The following NCOR2 variants were observed in gnomAD, a reference collection of about 807,000 sequenced individuals.
NCOR2 encodes the protein CTG repeat protein 26.
NCOR2 carries 81 observed loss-of-function variants against 262.9 expected under a neutral mutation model. The observed-to-expected ratio is 0.31, with a 90% CI of 0.26 to 0.37. NCOR2 has a LOEUF of 0.37. NCOR2 is among the 10% of genes least tolerant of loss of function. The pLI is 1.00. For missense variants in NCOR2, 3,385 were observed against 3,621.4 expected, an observed-to-expected ratio of 0.93 and a Z score of 1.68; for synonymous variants, 1,659 against 1,559.3, an observed-to-expected ratio of 1.06 and a Z score of -1.51.
Position 124,457,312 on chromosome 12 carries a change from C to T in NCOR2, c.706-150G>A, listed in dbSNP as rs1388536563. The T allele has an allele frequency of 1.2e-5, 9 of 764,598 alleles. No homozygotes were observed. Among genetic ancestry groups the T allele is most frequent in the Non-Finnish European group, 1.8e-5 (9 of 499,696 alleles). 47.4% of individuals were successfully genotyped at this position (764,598 alleles called of 1,614,324 possible). A position where few individuals can be genotyped will look rare whatever the true frequency, so the allele number is the denominator to read the frequency against. The stretch of plus-strand genomic sequence containing the variant: ...GGGGAGGGAGGCCCGGGGCCCCCTG[C>T]AGGCCCTCCCCACGCTGGAAAAAAA... On this transcript the variant is annotated intron_variant, in intron 5 of 46. Transcript: ENST00000405201. The surrounding 1 kb of genome is among the most constrained non-coding windows in gnomAD (Gnocchi z 4.0).
At chr12:124,559,393 T>G (rs1454934570) in intron 1 of NCOR2, among the ~76,000 whole-genome samples, 1 of 152,094 alleles carries the variant, frequency 6.6e-6, no homozygotes, top group Non-Finnish European at 1.5e-5. Flanking sequence ...GAGGGCCCCA[T>G]CCGGTTCTCA....
intron 8 of NCOR2, among the ~76,000 whole-genome samples, chr12:124,431,805 GCAGA>G (rs138619039): frequency 0.14 from 20,802 of 149,632 alleles, 1,396 homozygotes; most frequent in East Asian, 0.26. Context: ...AGATACACAG[GCAGA>G]CAGACAGACA....
chr12:124,470,167 GAA>G (rs56145231), intron 4 of NCOR2, among the ~76,000 whole-genome samples: 6 of 104,826 alleles, frequency 5.7e-5, no homozygotes, highest in South Asian at 3.2e-4. Context: ...ATCCATCTCA[GAA>G]AAAAAAAAAA....
chr12:124,486,615 T>C, intron 1 of NCOR2, 47 bp from the exon 4 acceptor site: 1 of 1,530,988 alleles, frequency 6.5e-7, no homozygotes, highest in Non-Finnish European at 8.8e-7. Flanking sequence ...GGCACGGGCA[T>C]GGCGGGGCAC....
rs990374132 is a variant in NCOR2 at position 124,340,656 on chromosome 12, G to T, written c.5284C>A (p.Pro1762Thr). Residue 1762 changes from proline (P) to threonine (T), a missense_variant, in exon 35 of 47, where the codon CCC (proline) becomes ACC (threonine). By Grantham distance (38) the Pro-to-Thr change is conservative. This residue lies in a region of NCOR2 where 1,615 missense variants were observed against 1,626.9 expected (regional missense o/e 0.99). Transcript: ENST00000405201. ...CTGCTGAAGGGCTGGGGCGCGGTGGGGAGGTAGGCAAGGCGGTCCATGGCG... is the reference window on the plus strand; with the variant it reads ...CTGCTGAAGGGCTGGGGCGCGGTGGTGAGGTAGGCAAGGCGGTCCATGGCG... 2.0e-6 allele frequency: 3 copies of T among 1,503,340 alleles called. No individual in the cohort carries two copies. 93.1% of individuals were successfully genotyped at this position (1,503,340 alleles called of 1,614,324 possible). A position where few individuals can be genotyped will look rare whatever the true frequency, so the allele number is the denominator to read the frequency against.
chr12:124,478,575 G>A (rs891746367), intron 3 of NCOR2, among the ~76,000 whole-genome samples: 2 of 152,040 alleles, frequency 1.3e-5, no homozygotes, highest in African/African-American at 2.4e-5. Context: ...CTCTCAACTC[G>A]CTCTCCCAGG....
chr12:124,487,499 C>CT (rs1198490122), intron 1 of NCOR2, among the ~76,000 whole-genome samples: 1 of 152,272 alleles, frequency 6.6e-6, no homozygotes, highest in African/African-American at 2.4e-5. Flanking sequence ...GGGCCTCGGC[C>CT]TTGGCCTTGG....
chr12:124,357,129 T>A (rs1244079), intron 22 of NCOR2, among the ~76,000 whole-genome samples: 3 of 152,226 alleles, frequency 2.0e-5, no homozygotes, highest in Non-Finnish European at 4.4e-5. Context: ...AGGTGGCAAA[T>A]GGTATCTCAG....
exon 47 of NCOR2, chr12:124,325,384 C>CT (rs1555297262): frequency 1.0e-5 from 5 of 486,602 alleles, no homozygotes; most frequent in South Asian, 6.4e-5. Context: ...ACCGCCCCCC[C>CT]CCCCGCCCTG....
upstream of NCOR2, among the ~76,000 whole-genome samples, chr12:124,536,368 G>A (rs1036448745): frequency 6.6e-6 from 1 of 152,204 alleles, no homozygotes; most frequent in African/African-American, 2.4e-5. Flanking sequence ...GCGAGCCACT[G>A]TGCCCAGCCT....
In NCOR2 at chr12:124,503,168, T is replaced by G. The variant is rs142794836; in HGVS notation, c.-117-7800A>C. Reference sequence around the variant, plus strand: ...CGGTTGCTGACCCATTCTCATCAATTAGAGAATTATTTCAGCATCTGTTAT... The same window carrying G: ...CGGTTGCTGACCCATTCTCATCAATGAGAGAATTATTTCAGCATCTGTTAT... On this transcript the variant is annotated intron_variant, in intron 1 of 46. Coordinates refer to the NCOR2 transcript ENST00000404621. The surrounding 1 kb of genome is among the most constrained non-coding windows in gnomAD (Gnocchi z 4.3). 2.5e-3 allele frequency among the ~76,000 whole-genome samples: 385 copies of G among 152,258 alleles called. 1 individual carries two copies. Among genetic ancestry groups the G allele is most frequent in the African/African-American group, 8.8e-3 (366 of 41,552 alleles).
In NCOR2 at chr12:124,509,249, G is replaced by GGGGC. The variant is rs77999680; in HGVS notation, c.-117-13882_-117-13881insGCCC. 2.7e-3 allele frequency among the ~76,000 whole-genome samples: 396 copies of GGGGC among 145,896 alleles called. 16 individuals carry two copies. Among genetic ancestry groups the GGGGC allele is most frequent in the African/African-American group, 9.8e-3 (366 of 37,272 alleles). On this transcript the variant is annotated intron_variant, in intron 1 of 46. Transcript: ENST00000404621. The stretch of plus-strand genomic sequence containing the variant: ...ACTGGCTTTGGTGGGGGGGGGGGGG[G>GGGGC]CTTAACTCTGAACTCTCAAGCTGAG...
In NCOR2 at chr12:124,327,576, AG is replaced by A. The variant is rs2034787389; in HGVS notation, c.7015del (p.Leu2339TrpfsTer4). 1 of 1,613,496 alleles carries A rather than the reference AG, an allele frequency of 6.2e-7. No individual in the cohort carries two copies. Among genetic ancestry groups the A allele is most frequent in the African/African-American group, 1.3e-5 (1 of 74,836 alleles). On this transcript the variant is annotated frameshift_variant, in exon 45 of 47. Transcript: ENST00000405201. LOFTEE classifies it high-confidence loss of function. ...GAGTGCCTTTCTAATTATGGCCTCCAGCCCCATGTTGGTGCTGGCATGTTCC... is the reference window on the plus strand; with the variant it reads ...GAGTGCCTTTCTAATTATGGCCTCCACCCCATGTTGGTGCTGGCATGTTCC...
At chr12:124,540,091 T>C (rs565237822), upstream of NCOR2, among the ~76,000 whole-genome samples, 67 of 151,252 alleles carry the variant, frequency 4.4e-4, no homozygotes, top group Non-Finnish European at 9.3e-4. Context: ...AAGCTGAGGG[T>C]CTTAGGGGCC....
chr12:124,354,949 C>T lies in NCOR2; in HGVS notation c.3382-10G>A, dbSNP rs975162395. 2 of 1,611,534 alleles carry T rather than the reference C, an allele frequency of 1.2e-6. No homozygotes were observed. Among genetic ancestry groups the T allele is most frequent in the South Asian group, 2.2e-5 (2 of 90,930 alleles). On this transcript the variant is annotated splice_polypyrimidine_tract_variant and intron_variant, in intron 24 of 46. Coordinates refer to ENST00000405201, the Ensembl canonical transcript of NCOR2. ...GCTGGACCGACATTCCCTGTAGGGG[C>T]GGAGTTGTGGGGTCACAGGGGCACC... is the stretch of plus-strand genomic sequence containing the variant.
At chr12:124,528,556 C>T (rs1017092269) in intron 1 of NCOR2, among the ~76,000 whole-genome samples, 2 of 152,198 alleles carry the variant, frequency 1.3e-5, no homozygotes, top group Non-Finnish European at 2.9e-5. Context: ...AAGGAAGACC[C>T]TTGGCAGAAC....
intron 33 of NCOR2, 75 bp from the exon 36 acceptor site, chr12:124,342,149 C>A (rs2036507064): frequency 2.0e-6 from 3 of 1,486,502 alleles, no homozygotes; most frequent in Non-Finnish European, 2.7e-6. Context: ...TGTCTGGATG[C>A]CCCCTACTTC....
At chr12:124,535,661 T>C (rs1378002250), upstream of NCOR2, 1 of 152,206 alleles carries the variant, frequency 6.6e-6, no homozygotes, top group Non-Finnish European at 1.5e-5. Flanking sequence ...GTATGCAGTT[T>C]GGCATGACGA....
intron 1 of NCOR2, among the ~76,000 whole-genome samples, chr12:124,505,841 G>T (rs1038376406): frequency 3.9e-5 from 6 of 152,164 alleles, no homozygotes; most frequent in Non-Finnish European, 8.8e-5. Context: ...CTTGCAGATA[G>T]GCAAACTGAG....
Sources: allele counts gnomAD v4.1 joint callset (sites outside exome capture counted in the v4.1 genomes callset), GRCh38; gene constraint gnomAD v4.1.1; regional missense constraint gnomAD v4.1.1; non-coding constraint Gnocchi (gnomAD v3.1); transcripts MANE v1.5; gene names NCBI Gene and HGNC (gene_info 2026-07-23, HGNC 2026-07-21).